The following ANKRD13C variants were observed in gnomAD, a reference collection of about 807,000 sequenced individuals.
ANKRD13C encodes ankyrin repeat domain 13C, also known as ankyrin repeat domain-containing protein 13C.
Under a neutral mutation model 65.5 loss-of-function variants are expected in ANKRD13C, and 16 were observed. The observed-to-expected ratio is 0.24, with a 90% confidence interval of 0.17 to 0.37. ANKRD13C has a LOEUF of 0.37. Ranked by LOEUF, ANKRD13C falls within the 10% of genes least tolerant of loss-of-function variation. The pLI is 1.00. For synonymous variants in ANKRD13C, 235 were observed against 238.7 expected (o/e 0.98, Z 0.14); for missense variants, 503 against 655.9 (o/e 0.77, Z 2.55).
intron 2 of ANKRD13C, among the ~76,000 whole-genome samples, chr1:70,333,185 A>G (rs1410713538): frequency 1.3e-5 from 2 of 152,186 alleles, no homozygotes; most frequent in Non-Finnish European, 2.9e-5. Flanking sequence ...CATAAAATGG[A>G]GATAATAATA....
At chr1:70,296,338 C>A in intron 7 of ANKRD13C, 77 bp from the exon 8 acceptor site, 3 of 1,398,360 alleles carry the variant, frequency 2.1e-6, no homozygotes, top group South Asian at 1.4e-5. Context: ...AAAATATCAA[C>A]AATTATAATG....
chr1:70,328,598 G>A (rs1001465653), intron 2 of ANKRD13C, among the ~76,000 whole-genome samples: 1 of 152,162 alleles, frequency 6.6e-6, no homozygotes, highest in African/African-American at 2.4e-5. Flanking sequence ...GGAGGCAGAG[G>A]TTGCAGTGAG....
chr1:70,352,752 AT>A (rs1682801554), intron 1 of ANKRD13C, among the ~76,000 whole-genome samples: 1 of 152,262 alleles, frequency 6.6e-6, no homozygotes, highest in Admixed American at 6.5e-5. Context: ...TAATAGTAAA[AT>A]GATTAAGTAA....
intron 1 of ANKRD13C, among the ~76,000 whole-genome samples, chr1:70,352,339 CA>C (rs397965041): frequency 0.16 from 9,881 of 60,616 alleles, 233 homozygotes; most frequent in East Asian, 0.35. Flanking sequence ...GACTCCGTCT[CA>C]AAAAAAAAAA....
At chr1:70,279,478 T>G (rs1042798597) in intron 9 of ANKRD13C, among the ~76,000 whole-genome samples, 9 of 151,456 alleles carry the variant, frequency 5.9e-5, no homozygotes, top group African/African-American at 2.2e-4. Flanking sequence ...TAAGTAGAGT[T>G]CTAAGCCACT....
chr1:70,348,611 C>A (rs149178543), intron 1 of ANKRD13C, among the ~76,000 whole-genome samples: 1 of 152,252 alleles, frequency 6.6e-6, no homozygotes, highest in African/African-American at 2.4e-5. Flanking sequence ...TTTTTCCAAT[C>A]ACTGGCTAAA....
At chr1:70,288,925 A>C (rs1427504511) in intron 9 of ANKRD13C, among the ~76,000 whole-genome samples, 3 of 152,208 alleles carry the variant, frequency 2.0e-5, no homozygotes, top group African/African-American at 7.2e-5. Context: ...GTATGATTTC[A>C]TACAACTGTA....
At chr1:70,282,093 C>CACCCAGGCTGGAGTGTAGT (rs1679421687) in intron 9 of ANKRD13C, among the ~76,000 whole-genome samples, 1 of 142,282 alleles carries the variant, frequency 7.0e-6, no homozygotes, top group Non-Finnish European at 1.5e-5. Flanking sequence ...CTCGCTCTGT[C>CACCCAGGCTGGAGTGTAGT]ACCCAGGCTG....
At chr1:70,330,303 A>G (rs1681727516) in intron 2 of ANKRD13C, among the ~76,000 whole-genome samples, 1 of 152,206 alleles carries the variant, frequency 6.6e-6, no homozygotes, top group South Asian at 2.1e-4. Flanking sequence ...CATGCCTACA[A>G]TCCCAGCAGT....
In ANKRD13C at chr1:70,289,782, G is replaced by C. The variant is rs182217491; in HGVS notation, c.1215+2606C>G. Reference sequence around the variant, plus strand: ...TGAGCCACCGCGCCCAGCCTGTGTTGCCCAAATTTTTAAAAAAGTAGCATT... The same window carrying C: ...TGAGCCACCGCGCCCAGCCTGTGTTCCCCAAATTTTTAAAAAAGTAGCATT... On this transcript the variant is annotated intron_variant, in intron 9 of 12. Transcript: ENST00000370944. Among the ~76,000 whole-genome samples the C allele has an allele frequency of 3.6e-3, 554 of 151,950 alleles. 6 individuals are homozygous for C. Among genetic ancestry groups the C allele is most frequent in the African/African-American group, 0.013 (532 of 41,438 alleles).
chr1:70,323,604 T>C (rs1055079849), intron 3 of ANKRD13C, among the ~76,000 whole-genome samples: 6 of 150,978 alleles, frequency 4.0e-5, no homozygotes, highest in Non-Finnish European at 8.9e-5. Context: ...GATTGTGCCA[T>C]TGCATTCCAT....
chr1:70,323,305 A>G (rs549117645), intron 3 of ANKRD13C, among the ~76,000 whole-genome samples: 1 of 152,298 alleles, frequency 6.6e-6, no homozygotes, highest in South Asian at 2.1e-4. Context: ...AAATATTACA[A>G]TTTTATCTCA....
intron 1 of ANKRD13C, among the ~76,000 whole-genome samples, chr1:70,352,863 T>C (rs1159478172): frequency 2.6e-5 from 4 of 152,254 alleles, no homozygotes; most frequent in African/African-American, 7.2e-5. Context: ...TACAACATTG[T>C]AAATTCTGAA....
chr1:70,279,606 A>G (rs570244013), intron 9 of ANKRD13C, among the ~76,000 whole-genome samples: 142 of 151,132 alleles, frequency 9.4e-4, no homozygotes, highest in Middle Eastern at 3.4e-3. Context: ...CCCAGGTTCA[A>G]GCAATATTTC....
At chr1:70,276,620 T>C in intron 10 of ANKRD13C, 145 bp downstream of exon 10, 1 of 690,578 alleles carries the variant, frequency 1.4e-6, no homozygotes, top group Non-Finnish European at 2.4e-6. Context: ...TAATCCATAT[T>C]TTTAAAAGGT....
chr1:70,343,475 A>G (rs1164025778), intron 1 of ANKRD13C, among the ~76,000 whole-genome samples: 1 of 152,224 alleles, frequency 6.6e-6, no homozygotes, highest in Non-Finnish European at 1.5e-5. Flanking sequence ...CCTTCATTCT[A>G]ACTTGGTAAA....
intron 2 of ANKRD13C, 36 bp from the exon 3 acceptor site, chr1:70,324,993 G>T: frequency 7.1e-7 from 1 of 1,414,590 alleles, no homozygotes; most frequent in Non-Finnish European, 9.8e-7. Flanking sequence ...CAAACATCAT[G>T]CAATTTTTAG....
chr1:70,278,532 A>C (rs2101157978), intron 9 of ANKRD13C, among the ~76,000 whole-genome samples: 1 of 152,242 alleles, frequency 6.6e-6, no homozygotes, highest in African/African-American at 2.4e-5. Context: ...AGAAAACAAA[A>C]CAAAACAAAA....
At chr1:70,336,646 A>G (rs1372563952) in intron 1 of ANKRD13C, among the ~76,000 whole-genome samples, 1 of 152,188 alleles carries the variant, frequency 6.6e-6, no homozygotes, top group South Asian at 2.1e-4. Context: ...ATTTGTTAGA[A>G]ATCTGTAGGC....
Sources: gnomAD v4.1 joint callset for allele counts (sites outside exome capture counted in the v4.1 genomes callset) on GRCh38, gnomAD v4.1.1 for gene constraint, MANE v1.5 for transcripts, NCBI Gene and HGNC (gene_info 2026-07-23, HGNC 2026-07-21) for gene names.